The following SLC10A7 variants were observed in gnomAD, a reference collection of about 807,000 sequenced individuals.
SLC10A7 encodes sodium/bile acid cotransporter 7.
SLC10A7 carries 29 observed loss-of-function variants against 43.2 expected under a neutral mutation model. The observed-to-expected ratio is 0.67, with a 90% CI of 0.50 to 0.92. The LOEUF (loss-of-function observed/expected upper bound fraction) is 0.92, where lower values mean the gene tolerates loss of function less well. SLC10A7 is among the 40% of genes least tolerant of loss of function. SLC10A7 has a pLI of 0.00. For synonymous variants in SLC10A7, 152 were observed against 144.8 expected, an observed-to-expected ratio of 1.05 and a Z score of -0.35; for missense variants, 295 against 403.2, an observed-to-expected ratio of 0.73 and a Z score of 2.30.
In SLC10A7 at chr4:146,390,798, C is replaced by G. The variant is rs142840139; in HGVS notation, c.435+51985G>C. 2.1e-3 allele frequency among the ~76,000 whole-genome samples: 320 copies of G among 152,166 alleles called. 1 individual carries two copies. Among genetic ancestry groups the G allele is most frequent in the African/African-American group, 7.1e-3 (293 of 41,518 alleles). ...ATTATTTAAGTCTACTGGGTTTAAA[C>G]TTGCCTGCATTGTAAGTACTTCTTG... On this transcript the variant is annotated intron_variant, in intron 5 of 11. Coordinates refer to ENST00000335472, the MANE Select transcript of SLC10A7 (RefSeq NM_001029998.6).
chr4:146,493,481 G>A (rs1399531256), intron 4 of SLC10A7, among the ~76,000 whole-genome samples: 1 of 148,576 alleles, frequency 6.7e-6, no homozygotes, highest in Non-Finnish European at 1.5e-5. Flanking sequence ...GCGAGACTCT[G>A]TCTCGAAAAA....
chr4:146,361,679 G>T (rs1459148547), intron 5 of SLC10A7, among the ~76,000 whole-genome samples: 1 of 152,060 alleles, frequency 6.6e-6, no homozygotes. Context: ...GCTCAGACAT[G>T]GATAAATGTC....
intron 5 of SLC10A7, among the ~76,000 whole-genome samples, chr4:146,329,924 A>G (rs1733417840): frequency 6.6e-6 from 1 of 152,230 alleles, no homozygotes. Flanking sequence ...AATGGATAAA[A>G]CCAAAGTGGT....
chr4:146,351,735 A>C (rs987926945), intron 5 of SLC10A7, among the ~76,000 whole-genome samples: 1 of 147,344 alleles, frequency 6.8e-6, no homozygotes, highest in Non-Finnish European at 1.5e-5. Context: ...AATATTCAAC[A>C]TTCTTAAAGA....
At chr4:146,498,122 T>A (rs2150019682) in intron 4 of SLC10A7, among the ~76,000 whole-genome samples, 1 of 151,968 alleles carries the variant, frequency 6.6e-6, no homozygotes, top group Admixed American at 6.5e-5. Flanking sequence ...TACTTTTTTT[T>A]TTTTTTTTAT....
At chr4:146,383,428 T>C (rs1341079767) in intron 5 of SLC10A7, among the ~76,000 whole-genome samples, 1 of 152,118 alleles carries the variant, frequency 6.6e-6, no homozygotes, top group Non-Finnish European at 1.5e-5. Context: ...AATAACTTTG[T>C]AATCTCATTT....
chr4:146,467,418 A>G (rs1213859299), intron 4 of SLC10A7, among the ~76,000 whole-genome samples: 1 of 150,244 alleles, frequency 6.7e-6, no homozygotes, highest in African/African-American at 2.5e-5. Flanking sequence ...TAAATTGCTA[A>G]GCTCCCTACC....
intron 7 of SLC10A7, among the ~76,000 whole-genome samples, chr4:146,304,464 G>T (rs931370109): frequency 6.6e-6 from 1 of 151,970 alleles, no homozygotes; most frequent in Non-Finnish European, 1.5e-5. Flanking sequence ...TGTTCTCGTT[G>T]GTTTCAAAGA....
intron 5 of SLC10A7, among the ~76,000 whole-genome samples, chr4:146,392,811 T>A (rs1385669244): frequency 1.3e-5 from 2 of 151,946 alleles, no homozygotes; most frequent in Non-Finnish European, 2.9e-5. Flanking sequence ...GCCCTTAGAG[T>A]AAAGCCCTGA....
chr4:146,388,620 G>C (rs535536946), intron 5 of SLC10A7, among the ~76,000 whole-genome samples: 1 of 151,874 alleles, frequency 6.6e-6, no homozygotes, highest in Non-Finnish European at 1.5e-5. Flanking sequence ...TTAGCTGGGC[G>C]TGGTGGTGCG....
intron 5 of SLC10A7, among the ~76,000 whole-genome samples, chr4:146,383,375 A>G (rs192060911): frequency 2.0e-5 from 3 of 152,272 alleles, no homozygotes; most frequent in Admixed American, 6.5e-5. Context: ...GTCAGCTATG[A>G]CAGGAAACAT....
At chr4:146,356,076 A>G (rs1406270062) in intron 5 of SLC10A7, among the ~76,000 whole-genome samples, 2 of 148,678 alleles carry the variant, frequency 1.3e-5, no homozygotes, top group East Asian at 3.9e-4. Context: ...ATACATATAT[A>G]TAGTCTTTTA....
At chr4:146,491,103 A>G (rs145168543) in intron 4 of SLC10A7, among the ~76,000 whole-genome samples, 62 of 152,352 alleles carry the variant, frequency 4.1e-4, no homozygotes, top group African/African-American at 1.4e-3. Context: ...CTGGGCATCT[A>G]CAGCAGCTTT....
At chr4:146,491,235 C>T (rs1337223900) in intron 4 of SLC10A7, among the ~76,000 whole-genome samples, 1 of 151,918 alleles carries the variant, frequency 6.6e-6, no homozygotes, top group Non-Finnish European at 1.5e-5. Context: ...TGACCACAAG[C>T]AGCAGAAGAA....
At chr4:146,279,173 C>G (rs1215575041) in intron 10 of SLC10A7, among the ~76,000 whole-genome samples, 3 of 152,108 alleles carry the variant, frequency 2.0e-5, no homozygotes, top group Non-Finnish European at 2.9e-5. Flanking sequence ...AGCTGACATA[C>G]TCTGAGGTTA....
chr4:146,437,813 G>A (rs980352708), intron 5 of SLC10A7, among the ~76,000 whole-genome samples: 1 of 151,974 alleles, frequency 6.6e-6, no homozygotes, highest in African/African-American at 2.4e-5. Flanking sequence ...CAATCAATGA[G>A]TAACAAAGAT....
intron 5 of SLC10A7, among the ~76,000 whole-genome samples, chr4:146,363,293 A>C (rs1395510345): frequency 2.0e-5 from 3 of 152,106 alleles, no homozygotes; most frequent in African/African-American, 7.2e-5. Context: ...AGGATAAAGG[A>C]GTCAATTCAG....
At chr4:146,285,840 G>A (rs75794306) in intron 9 of SLC10A7, among the ~76,000 whole-genome samples, 9,450 of 151,160 alleles carry the variant, frequency 0.063, 383 homozygotes, top group South Asian at 0.2. Flanking sequence ...TGGTGAAAAG[G>A]ACTGAATTTG....
rs752573731 is a variant in SLC10A7 at position 146,258,790 on chromosome 4, AAG to A, written c.893_894del (p.Ser298PhefsTer51). 1 of 1,610,602 alleles carries A rather than the reference AAG, an allele frequency of 6.2e-7. No homozygotes were observed. ...TAGATGAGCAAGGGTACAGATATTA[AAG>A]AGAGATGCTCATGGCCTGCAAACAC... ...KIVFAGHEHL[S>X]LISVPLLIYH... On this transcript the variant is annotated frameshift_variant, in exon 11 of 12. Transcript: ENST00000335472. LOFTEE classifies it high-confidence loss of function.
Sources: gnomAD v4.1 joint callset for allele counts (sites outside exome capture counted in the v4.1 genomes callset) on GRCh38, gnomAD v4.1.1 for gene constraint, MANE v1.5 for transcripts, NCBI Gene and HGNC (gene_info 2026-07-23, HGNC 2026-07-21) for gene names.